Variants in AFF4 observed in about 807,000 individuals in gnomAD.
AFF4 encodes the protein AF4/FMR2 family member 4.
AFF4 carries 13 observed loss-of-function variants against 124.8 expected under a neutral mutation model. That is an observed-to-expected ratio of 0.10 (90% CI 0.07 to 0.17). The LOEUF is 0.17. Ranked by LOEUF, AFF4 falls within the 10% of genes least tolerant of loss-of-function variation. AFF4 has a pLI of 1.00. For synonymous variants in AFF4, 477 were observed against 496.1 expected (o/e 0.96, Z 0.51); for missense variants, 1,092 against 1,403.8 (o/e 0.78, Z 3.55).
In AFF4 at chr5:132,880,740, A is replaced by T. The variant is rs1759953815; in HGVS notation, c.*319T>A. 3.5e-6 allele frequency: 1 copy of T among 286,138 alleles called. No homozygotes were observed. Among genetic ancestry groups the T allele is most frequent in the Admixed American group, 5.1e-5 (1 of 19,718 alleles). 17.7% of individuals were successfully genotyped at this position (286,138 alleles called of 1,614,324 possible). On this transcript the variant is annotated 3_prime_UTR_variant, in exon 21 of 21. Coordinates refer to ENST00000265343, the MANE Select transcript of AFF4 (RefSeq NM_014423.4). ...TAAACTAGCCCCAATCTGGGAACTT[A>T]AAAAAATTAAAATAAATAAAATTTC... is the stretch of plus-strand genomic sequence containing the variant.
intron 1 of AFF4, among the ~76,000 whole-genome samples, chr5:132,956,353 G>A (rs560019474): frequency 4.7e-4 from 72 of 152,082 alleles, no homozygotes; most frequent in African/African-American, 1.5e-3. Flanking sequence ...TTTCCTGGCC[G>A]GGCCCAGTGG....
chr5:132,910,685 A>G (rs1013463856), intron 5 of AFF4, among the ~76,000 whole-genome samples: 1 of 152,210 alleles, frequency 6.6e-6, no homozygotes, highest in African/African-American at 2.4e-5. Flanking sequence ...GGTGTCTCAC[A>G]AACACCAAAA....
At chr5:132,943,747 C>A in intron 1 of AFF4, 1 of 317,366 alleles carries the variant, frequency 3.2e-6, no homozygotes, top group South Asian at 7.1e-5. Context: ...GAAAAATGAC[C>A]CACCAATGGA....
In AFF4 at chr5:132,880,817, G is replaced by C. The variant is rs1316217951; in HGVS notation, c.*242C>G. On this transcript the variant is annotated 3_prime_UTR_variant, in exon 21 of 21. Coordinates refer to ENST00000265343, the MANE Select transcript of AFF4 (RefSeq NM_014423.4). ...GAATTTCAATCTTATCATAGCTCAC[G>C]GAAACCATCTTATCAATGTGCTGCA... The C allele has an allele frequency of 2.8e-6, 1 of 354,340 alleles. No homozygotes were observed. The allele number at this position is 354,340 out of a possible 1,614,324, so 21.9% of individuals were successfully genotyped here.
At position 132,934,136 on chromosome 5, in the gene AFF4, G is replaced by A. The variant is rs746211392; in HGVS notation, c.918+11C>T. 152 of 1,606,168 alleles carry A rather than the reference G, an allele frequency of 9.5e-5. No homozygotes were observed. The Admixed American group carries it at 1.3e-3, about 14-fold the overall frequency. ...AGTCACAATGTTAAAAGCTCTAAAT[G>A]TGTGACTTACATCCAGTGGTTGGGA... is the stretch of plus-strand genomic sequence containing the variant. On this transcript the variant is annotated intron_variant, in intron 3 of 20. Transcript: ENST00000265343.
chr5:132,926,886 G>A (rs537679831), intron 5 of AFF4: 280 of 408,464 alleles, frequency 6.9e-4, no homozygotes, highest in Admixed American at 7.4e-4. Flanking sequence ...AATCTCTCTC[G>A]CATATTGCCT....
intron 1 of AFF4, among the ~76,000 whole-genome samples, chr5:132,951,013 C>A (rs976170213): frequency 5.3e-5 from 8 of 152,118 alleles, no homozygotes; most frequent in African/African-American, 1.7e-4. Context: ...TCACTTGAAG[C>A]CAGGAGTTCA....
At chr5:132,921,083 C>T (rs559010963) in intron 5 of AFF4, among the ~76,000 whole-genome samples, 3 of 149,712 alleles carry the variant, frequency 2.0e-5, no homozygotes, top group South Asian at 4.2e-4. Context: ...GCCGAGATCG[C>T]GCCACTGCAC....
At chr5:132,884,168 G>A (rs912371454) in intron 19 of AFF4, among the ~76,000 whole-genome samples, 3 of 152,162 alleles carry the variant, frequency 2.0e-5, no homozygotes, top group African/African-American at 7.2e-5. Context: ...TTTGTGAAAT[G>A]TTCAAGACTA....
chr5:132,879,114 G>C lies in AFF4; in HGVS notation c.*1945C>G, dbSNP rs1759909549. 4.5e-6 allele frequency: 1 copy of C among 220,444 alleles called. No individual in the cohort carries two copies. Among genetic ancestry groups the C allele is most frequent in the East Asian group, 6.7e-5 (1 of 14,934 alleles). The allele number at this position is 220,444 out of a possible 1,614,324, so 13.7% of individuals were successfully genotyped here. A position where few individuals can be genotyped will look rare whatever the true frequency, so the allele number is the denominator to read the frequency against. On this transcript the variant is annotated 3_prime_UTR_variant, in exon 21 of 21. Coordinates refer to ENST00000265343, the MANE Select transcript of AFF4 (RefSeq NM_014423.4). ...GAGGCAATTTCTCCAAGAGAAACAGGTTAAATTCAACATAATTTGTACATC... is the reference window on the plus strand; with the variant it reads ...GAGGCAATTTCTCCAAGAGAAACAGCTTAAATTCAACATAATTTGTACATC...
At chr5:132,913,975 C>A (rs934247534) in intron 5 of AFF4, among the ~76,000 whole-genome samples, 1 of 152,262 alleles carries the variant, frequency 6.6e-6, no homozygotes, top group Middle Eastern at 3.4e-3. Flanking sequence ...CCCCTGTAAT[C>A]CCAGCACTTT....
At chr5:132,940,259 G>C (rs960896204) in intron 1 of AFF4, among the ~76,000 whole-genome samples, 1 of 151,658 alleles carries the variant, frequency 6.6e-6, no homozygotes, top group Non-Finnish European at 1.5e-5. Flanking sequence ...TAGCAATTTG[G>C]GTGGCGGAGG....
At chr5:132,904,736 G>A (rs1199940757) in intron 5 of AFF4, among the ~76,000 whole-genome samples, 2 of 152,026 alleles carry the variant, frequency 1.3e-5, no homozygotes, top group African/African-American at 4.8e-5. Context: ...AAAACTAAAG[G>A]TAATACCGAA....
rs1380411598 is a variant in AFF4, at chr5:132,892,319, G to A, written c.2482C>T (p.His828Tyr). 6.2e-7 allele frequency: 1 copy of A among 1,614,092 alleles called. No homozygotes were observed. Among genetic ancestry groups the A allele is most frequent in the African/African-American group, 1.3e-5 (1 of 75,010 alleles). Residue 828 changes from histidine to tyrosine, a missense_variant, in exon 13 of 21, where the codon CAT becomes TAT. Coordinates refer to ENST00000265343, the MANE Select transcript of AFF4 (RefSeq NM_014423.4). ...CTAATAGTCCTCTTCCGAGAGCCAT[G>A]CTCTGTTTTTGGATCTTTTGAAGGA... ...PVPSKDPKTEHGSRKRTISQS... is the reference protein window; with the variant it reads ...PVPSKDPKTEYGSRKRTISQS...
chr5:132,955,722 G>C (rs375914234), intron 1 of AFF4, among the ~76,000 whole-genome samples: 1 of 141,822 alleles, frequency 7.1e-6, no homozygotes, highest in Non-Finnish European at 1.5e-5. Flanking sequence ...AGGTTGCAGT[G>C]AGCCAAGATC....
At chr5:132,890,326 G>C (rs1355530577) in intron 13 of AFF4, among the ~76,000 whole-genome samples, 1 of 151,976 alleles carries the variant, frequency 6.6e-6, no homozygotes, top group Non-Finnish European at 1.5e-5. Flanking sequence ...TTGGAGTGCA[G>C]TGGTGCAATC....
chr5:132,955,257 G>A (rs1304702867), intron 1 of AFF4, among the ~76,000 whole-genome samples: 15 of 152,092 alleles, frequency 9.9e-5, no homozygotes, highest in Non-Finnish European at 1.5e-5. Flanking sequence ...GGGCGTGGTG[G>A]GCCAGAGTGG....
At position 132,934,441 on chromosome 5, in the gene AFF4, T is replaced by C. The variant is rs201137637; in HGVS notation, c.624A>G (p.Gln208=). 2.8e-5 allele frequency: 46 copies of C among 1,614,176 alleles called. 1 individual carries two copies. Among genetic ancestry groups the C allele is most frequent in the Middle Eastern group, 3.3e-4 (2 of 6,062 alleles). ...HGNDHHSKEH[Q]RSKSPRDPDA... is the part of the protein sequence containing the mutation. ...CAGGGTCCCGAGGTGATTTGGAGCG[T>C]TGATGTTCCTTGCTATGGTGATCAT... Residue 208 remains glutamine (Q), a synonymous_variant, in exon 3 of 21, where the codon CAA becomes CAG. Transcript: ENST00000265343.
chr5:132,932,903 C>A (rs1761333320), intron 3 of AFF4, among the ~76,000 whole-genome samples: 1 of 152,186 alleles, frequency 6.6e-6, no homozygotes, highest in Admixed American at 6.5e-5. Flanking sequence ...TTTTACTGTT[C>A]TCTTGAGAGG....
Sources: gnomAD v4.1 joint callset for allele counts (sites outside exome capture counted in the v4.1 genomes callset) on GRCh38, gnomAD v4.1.1 for gene constraint, MANE v1.5 for transcripts, NCBI Gene and HGNC (gene_info 2026-07-23, HGNC 2026-07-21) for gene names.